CSMD1: variants seen among roughly 807,000 people sequenced by gnomAD.
CSMD1 encodes the protein CUB and sushi domain-containing protein 1.
In CSMD1, 213 loss-of-function variants were observed where a neutral mutation model predicts 417.5. That is an observed-to-expected ratio of 0.51 (90% CI 0.46 to 0.57). The LOEUF (loss-of-function observed/expected upper bound fraction) is 0.57, where lower values mean the gene tolerates loss of function less well. Ranked by LOEUF, CSMD1 falls within the 20% of genes least tolerant of loss-of-function variation. The pLI is 0.00. For missense variants in CSMD1, 6,923 were observed against 4,529.7 expected (o/e 1.53, Z -15.17); for synonymous variants, 2,862 against 1,736.8 (o/e 1.65, Z -16.11).
At chr8:4,439,820 A>G (rs772774317) in intron 2 of CSMD1, among the ~76,000 whole-genome samples, 199 of 152,302 alleles carry the variant, frequency 1.3e-3, no homozygotes, top group Non-Finnish European at 2.1e-3. Context: ...CAGGGGTGAA[A>G]ATTAAAGGCA....
intron 5 of CSMD1, among the ~76,000 whole-genome samples, chr8:3,762,824 G>C (rs1418430128): frequency 1.3e-5 from 2 of 152,208 alleles, no homozygotes; most frequent in Non-Finnish European, 2.9e-5. Flanking sequence ...GCAGCCGTGT[G>C]TAAGGCAGCT....
intron 1 of CSMD1, among the ~76,000 whole-genome samples, chr8:4,933,217 T>A (rs5001122): frequency 0.31 from 47,112 of 151,760 alleles, 8,364 homozygotes; most frequent in Non-Finnish European, 0.41. Flanking sequence ...GTCTTCTGAA[T>A]CATGTTTTCC....
chr8:4,560,638 G>C (rs1001974896), intron 2 of CSMD1, among the ~76,000 whole-genome samples: 1 of 152,218 alleles, frequency 6.6e-6, no homozygotes, highest in Non-Finnish European at 1.5e-5. Context: ...TCATGTGACA[G>C]TCCTCAGCAA....
At chr8:4,199,348 A>C (rs1002566660) in intron 3 of CSMD1, among the ~76,000 whole-genome samples, 1 of 152,180 alleles carries the variant, frequency 6.6e-6, no homozygotes, top group Non-Finnish European at 1.5e-5. Context: ...GTCTACCTCT[A>C]AAGCACATAG....
intron 26 of CSMD1, among the ~76,000 whole-genome samples, chr8:3,250,162 G>C (rs2406454): frequency 0.78 from 118,243 of 152,062 alleles, 46,576 homozygotes; most frequent in Non-Finnish European, 0.85. Flanking sequence ...CACCCATTAA[G>C]TCGTCATTTA....
At chr8:4,872,609 C>T (rs995961932) in intron 1 of CSMD1, among the ~76,000 whole-genome samples, 2 of 152,076 alleles carry the variant, frequency 1.3e-5, no homozygotes, top group Non-Finnish European at 2.9e-5. Context: ...TACCCAGTCT[C>T]AGGCAGTTCT....
intron 3 of CSMD1, among the ~76,000 whole-genome samples, chr8:4,157,297 C>G (rs993587398): frequency 1.3e-5 from 2 of 152,166 alleles, no homozygotes; most frequent in South Asian, 2.1e-4. Flanking sequence ...AATTGCAGAG[C>G]TGGGTCACTG....
chr8:3,013,809 C>A (rs1425502815), intron 52 of CSMD1, among the ~76,000 whole-genome samples: 2 of 151,798 alleles, frequency 1.3e-5, no homozygotes, highest in Admixed American at 6.6e-5. Flanking sequence ...TCCATCACCA[C>A]AAATGCATAG....
intron 7 of CSMD1, among the ~76,000 whole-genome samples, chr8:3,701,428 G>C (rs895156621): frequency 6.6e-6 from 1 of 152,162 alleles, no homozygotes; most frequent in Non-Finnish European, 1.5e-5. Flanking sequence ...GGGCTGAACC[G>C]AAGCTGCTGC....
chr8:4,865,086 C>G (rs1802350099), intron 1 of CSMD1, among the ~76,000 whole-genome samples: 1 of 151,306 alleles, frequency 6.6e-6, no homozygotes, highest in South Asian at 2.1e-4. Context: ...ACGTGGTTTT[C>G]TGTTACCTGG....
intron 18 of CSMD1, 148 bp from the exon 19 acceptor site, chr8:3,369,518 T>A (rs1239090102): frequency 3.4e-6 from 2 of 593,048 alleles, no homozygotes; most frequent in Non-Finnish European, 6.0e-6. Flanking sequence ...CTGAGCTTTA[T>A]GTTACTTGCA....
chr8:4,497,525 T>G (rs898927303), intron 2 of CSMD1, among the ~76,000 whole-genome samples: 2 of 152,218 alleles, frequency 1.3e-5, no homozygotes. Flanking sequence ...CAGCTTGTTC[T>G]GTATATAGTA....
chr8:4,868,528 T>C (rs1248614017), intron 1 of CSMD1, among the ~76,000 whole-genome samples: 1 of 152,048 alleles, frequency 6.6e-6, no homozygotes, highest in African/African-American at 2.4e-5. Flanking sequence ...ATTATTTTCA[T>C]ATTAGTGTTA....
At chr8:4,849,301 G>T (rs924359964) in intron 1 of CSMD1, among the ~76,000 whole-genome samples, 8 of 152,006 alleles carry the variant, frequency 5.3e-5, no homozygotes, top group Non-Finnish European at 1.0e-4. Context: ...AGAGTCACAT[G>T]TTTAAAAAAT....
intron 3 of CSMD1, among the ~76,000 whole-genome samples, chr8:4,153,943 A>G (rs1203631885): frequency 6.6e-6 from 1 of 152,216 alleles, no homozygotes; most frequent in African/African-American, 2.4e-5. Flanking sequence ...TCCTGCTTTC[A>G]AGTGTTTTCT....
chr8:3,946,116 C>A (rs567128748), intron 5 of CSMD1, among the ~76,000 whole-genome samples: 1 of 152,234 alleles, frequency 6.6e-6, no homozygotes, highest in South Asian at 2.1e-4. Flanking sequence ...CACCTTGGAA[C>A]TGATTCCATG....
At chr8:4,459,773 T>C (rs1000025804) in intron 2 of CSMD1, among the ~76,000 whole-genome samples, 12 of 152,174 alleles carry the variant, frequency 7.9e-5, no homozygotes, top group African/African-American at 2.9e-4. Context: ...TCCAGAACTA[T>C]GAGAAAATTA....
At chr8:4,221,818 T>C (rs1021137133) in intron 3 of CSMD1, among the ~76,000 whole-genome samples, 2 of 152,148 alleles carry the variant, frequency 1.3e-5, no homozygotes, top group African/African-American at 4.8e-5. Context: ...CTTTTCCTAC[T>C]TGGCTCTGAG....
chr8:3,716,261 GA>G (rs1801826767), intron 6 of CSMD1, among the ~76,000 whole-genome samples: 2 of 152,110 alleles, frequency 1.3e-5, no homozygotes, highest in African/African-American at 4.8e-5. Flanking sequence ...GAGTGTTCTT[GA>G]ATCTCATGCA....
Sources: gnomAD v4.1 joint callset for allele counts (sites outside exome capture counted in the v4.1 genomes callset) on GRCh38, gnomAD v4.1.1 for gene constraint, MANE v1.5 for transcripts, NCBI Gene and HGNC (gene_info 2026-07-23, HGNC 2026-07-21) for gene names.